PRKN: variants seen among roughly 807,000 people sequenced by gnomAD.
The protein encoded by PRKN is parkin RBR E3 ubiquitin protein ligase.
In PRKN, 56 loss-of-function variants were observed where a neutral mutation model predicts 59.5. The observed-to-expected ratio is 0.94, with a 90% CI of 0.76 to 1.18. The LOEUF is 1.18. PRKN is among the 50% of genes most tolerant of loss of function. PRKN has a pLI of 0.00. For missense variants in PRKN, 657 were observed against 596.4 expected (o/e 1.10, Z -1.06); for synonymous variants, 250 against 222.1 (o/e 1.13, Z -1.12).
At chr6:162,620,647 A>G (rs1384891237) in intron 1 of PRKN, among the ~76,000 whole-genome samples, 1 of 152,140 alleles carries the variant, frequency 6.6e-6, no homozygotes, top group East Asian at 1.9e-4. Context: ...ATATTCAGCT[A>G]TCACTTCTCC....
intron 2 of PRKN, among the ~76,000 whole-genome samples, chr6:162,328,188 G>A (rs1051364978): frequency 7.6e-5 from 4 of 52,484 alleles, no homozygotes; most frequent in African/African-American, 1.7e-4. Flanking sequence ...GTGATACCCC[G>A]TCTCTACTAA....
At chr6:161,585,858 C>T (rs111427285) in intron 7 of PRKN, among the ~76,000 whole-genome samples, 4,261 of 152,250 alleles carry the variant, frequency 0.028, 154 homozygotes, top group African/African-American at 0.088. Flanking sequence ...GTTCAATACA[C>T]AGCTGAAATC....
chr6:162,512,828 T>C (rs1777688157), intron 1 of PRKN, among the ~76,000 whole-genome samples: 1 of 152,218 alleles, frequency 6.6e-6, no homozygotes, highest in Admixed American at 6.5e-5. Context: ...ATTATCCATT[T>C]ACTTATTTTT....
chr6:161,676,178 A>T (rs1785080195), intron 7 of PRKN, among the ~76,000 whole-genome samples: 1 of 152,220 alleles, frequency 6.6e-6, no homozygotes, highest in African/African-American at 2.4e-5. Flanking sequence ...TGAAGGAGAG[A>T]TGCTGGCCTG....
intron 2 of PRKN, among the ~76,000 whole-genome samples, chr6:162,308,950 A>G (rs774448302): frequency 3.3e-5 from 5 of 152,106 alleles, no homozygotes; most frequent in Non-Finnish European, 7.4e-5. Flanking sequence ...TCTGATTTCA[A>G]TTTATTGAAA....
At chr6:162,557,786 A>G (rs937279270) in intron 1 of PRKN, among the ~76,000 whole-genome samples, 2 of 152,214 alleles carry the variant, frequency 1.3e-5, no homozygotes, top group South Asian at 4.1e-4. Context: ...CTGGGATTAC[A>G]GGCGTGAGCC....
At chr6:162,530,600 C>A (rs1778470822) in intron 1 of PRKN, among the ~76,000 whole-genome samples, 1 of 152,122 alleles carries the variant, frequency 6.6e-6, no homozygotes, top group Admixed American at 6.6e-5. Flanking sequence ...AATACATCTA[C>A]CACTTAGGGT....
chr6:162,671,692 C>T (rs1779326591), intron 1 of PRKN, among the ~76,000 whole-genome samples: 1 of 151,552 alleles, frequency 6.6e-6, no homozygotes, highest in South Asian at 2.1e-4. Context: ...CTGTGTACTT[C>T]TCACTAGTAG....
intron 1 of PRKN, among the ~76,000 whole-genome samples, chr6:162,545,359 T>C (rs1192993929): frequency 6.6e-6 from 1 of 152,138 alleles, no homozygotes; most frequent in Non-Finnish European, 1.5e-5. Flanking sequence ...CAGGCTTAAG[T>C]TGTCAAGAAG....
At chr6:161,408,512 G>C (rs1399598394) in intron 9 of PRKN, among the ~76,000 whole-genome samples, 1 of 140,100 alleles carries the variant, frequency 7.1e-6, no homozygotes, top group African/African-American at 2.7e-5. Context: ...ACAATTTACT[G>C]ACATTGTCTA....
chr6:162,012,224 C>G (rs565747680), intron 5 of PRKN, among the ~76,000 whole-genome samples: 1 of 152,178 alleles, frequency 6.6e-6, no homozygotes, highest in Non-Finnish European at 1.5e-5. Flanking sequence ...ATATATAGAA[C>G]AGTTGCAAAA....
intron 9 of PRKN, among the ~76,000 whole-genome samples, chr6:161,485,584 G>A (rs533168532): frequency 1.2e-4 from 18 of 152,256 alleles, no homozygotes; most frequent in Non-Finnish European, 2.5e-4. Context: ...AAAGTTTAGA[G>A]GAATACGAAG....
intron 6 of PRKN, among the ~76,000 whole-genome samples, chr6:161,852,938 A>C (rs1793497804): frequency 6.6e-6 from 1 of 152,108 alleles, no homozygotes; most frequent in African/African-American, 2.4e-5. Context: ...ATGAGCTACA[A>C]AGTGCCTCAG....
chr6:161,392,968 G>A (rs928765110), intron 9 of PRKN, among the ~76,000 whole-genome samples: 13 of 152,000 alleles, frequency 8.6e-5, no homozygotes, highest in African/African-American at 2.7e-4. Flanking sequence ...CTGTGAAATC[G>A]TGTACTAGAT....
intron 5 of PRKN, among the ~76,000 whole-genome samples, chr6:162,037,267 T>A (rs997157869): frequency 6.6e-6 from 1 of 152,190 alleles, no homozygotes; most frequent in Non-Finnish European, 1.5e-5. Flanking sequence ...AACTTATCAA[T>A]GCAAGACTCT....
At chr6:162,520,353 A>T (rs1778037001) in intron 1 of PRKN, among the ~76,000 whole-genome samples, 1 of 152,214 alleles carries the variant, frequency 6.6e-6, no homozygotes, top group East Asian at 1.9e-4. Context: ...AAGCATTGTA[A>T]ATGGTGACTT....
chr6:161,644,592 A>T (rs1332183052), intron 7 of PRKN, among the ~76,000 whole-genome samples: 1 of 152,156 alleles, frequency 6.6e-6, no homozygotes, highest in African/African-American at 2.4e-5. Context: ...TGGGCGCCTG[A>T]CCTAGGCACT....
rs1434905290 is a variant in PRKN at position 161,685,699 on chromosome 6, T to A, written c.871+100073A>T. ...GCTGGGGACCCCTGATGTATACCAC[T>A]GGCGAGGGACTCTAATAATGGGAAA... On this transcript the variant is annotated intron_variant, in intron 7 of 11. Coordinates refer to ENST00000366898, the MANE Select transcript of PRKN (RefSeq NM_004562.3). Among the ~76,000 whole-genome samples, 9 of 152,298 alleles carry A rather than the reference T, an allele frequency of 5.9e-5. No homozygotes were observed. The Middle Eastern group carries it at 0.01, about 173-fold the overall frequency.
Position 161,393,963 on chromosome 6 carries a change from G to A in PRKN, c.1084-7086C>T, listed in dbSNP as rs974922239. Among the ~76,000 whole-genome samples, 11 of 152,134 alleles carry A rather than the reference G, an allele frequency of 7.2e-5. No individual in the cohort carries two copies. On this transcript the variant is annotated intron_variant, in intron 9 of 11. Transcript: ENST00000366898. The surrounding 1 kb of genome is among the most constrained non-coding windows in gnomAD (Gnocchi z 4.7). ...CATTTGTACTTCTTTGGGAATAGAT[G>A]AAATATTTTTCTTTTTGGTGTGTAG...
Sources: allele counts gnomAD v4.1 joint callset (sites outside exome capture counted in the v4.1 genomes callset), GRCh38; gene constraint gnomAD v4.1.1; non-coding constraint Gnocchi (gnomAD v3.1); transcripts MANE v1.5; gene names NCBI Gene and HGNC (gene_info 2026-07-23, HGNC 2026-07-21).